The following CTNNA2 variants were observed in gnomAD, a reference collection of about 807,000 sequenced individuals.
CTNNA2 encodes the protein catenin alpha 2, also known as catenin alpha-2.
In CTNNA2, 42 loss-of-function variants were observed where a neutral mutation model predicts 101.0. That is an observed-to-expected ratio of 0.42 (90% confidence interval 0.32 to 0.54). The LOEUF (loss-of-function observed/expected upper bound fraction) is 0.54. CTNNA2 is among the 20% of genes least tolerant of loss of function. The pLI is 0.14. For synonymous variants in CTNNA2, 450 were observed against 456.4 expected (o/e 0.99, Z 0.18); for missense variants, 871 against 1,223.1 (o/e 0.71, Z 4.29).
At chr2:79,343,700 A>AAC (rs1347082769) in intron 3 of CTNNA2, among the ~76,000 whole-genome samples, 1 of 149,096 alleles carries the variant, frequency 6.7e-6, no homozygotes, top group Non-Finnish European at 1.5e-5. Flanking sequence ...CTAACCCTGT[A>AAC]ACAATGGCCT....
At chr2:79,629,043 T>C (rs987078970) in intron 1 of CTNNA2, among the ~76,000 whole-genome samples, 2 of 152,204 alleles carry the variant, frequency 1.3e-5, no homozygotes, top group African/African-American at 4.8e-5. Flanking sequence ...TCTATGTCTT[T>C]CCTAGGACTT....
chr2:80,398,450 A>G (rs1678242489), intron 8 of CTNNA2, among the ~76,000 whole-genome samples: 1 of 152,110 alleles, frequency 6.6e-6, no homozygotes, highest in Non-Finnish European at 1.5e-5. Context: ...TGGAGTTTGG[A>G]GTCTAGGTCA....
chr2:80,149,605 C>A (rs1703564023), intron 7 of CTNNA2, among the ~76,000 whole-genome samples: 1 of 152,106 alleles, frequency 6.6e-6, no homozygotes, highest in Admixed American at 6.6e-5. Context: ...TAATATGCAC[C>A]ATTTGTGTAG....
chr2:80,170,548 A>G (rs1704990282), intron 7 of CTNNA2, among the ~76,000 whole-genome samples: 1 of 152,106 alleles, frequency 6.6e-6, no homozygotes, highest in South Asian at 2.1e-4. Context: ...ACCATGACCT[A>G]TTACAACCTA....
intron 2 of CTNNA2, among the ~76,000 whole-genome samples, chr2:79,263,744 A>C (rs200994573): frequency 3.9e-5 from 6 of 152,100 alleles, no homozygotes; most frequent in African/African-American, 1.2e-4. Context: ...CCTTCTTGCT[A>C]TCTCACCATG....
intron 8 of CTNNA2, among the ~76,000 whole-genome samples, chr2:80,416,141 A>G (rs1403581153): frequency 1.3e-5 from 2 of 152,150 alleles, no homozygotes; most frequent in Non-Finnish European, 2.9e-5. Context: ...AATATACACC[A>G]TGATGACTAG....
At chr2:79,659,674 G>T (rs1379942045) in intron 2 of CTNNA2, among the ~76,000 whole-genome samples, 1 of 152,022 alleles carries the variant, frequency 6.6e-6, no homozygotes, top group East Asian at 1.9e-4. Context: ...TTCTTGCCTT[G>T]AAAAGTATTT....
chr2:80,434,906 T>C (rs1467805991), intron 9 of CTNNA2, among the ~76,000 whole-genome samples: 2 of 152,092 alleles, frequency 1.3e-5, no homozygotes, highest in African/African-American at 2.4e-5. Context: ...TTCCTCTACT[T>C]TGAATGAGTT....
chr2:79,679,044 C>T (rs191452089), intron 2 of CTNNA2, among the ~76,000 whole-genome samples: 176 of 152,080 alleles, frequency 1.2e-3, no homozygotes, highest in Middle Eastern at 6.8e-3. Flanking sequence ...AATGTATACC[C>T]GTATGATCTA....
At chr2:79,829,573 T>C (rs1467957525) in intron 3 of CTNNA2, among the ~76,000 whole-genome samples, 4 of 151,094 alleles carry the variant, frequency 2.6e-5, no homozygotes, top group African/African-American at 9.7e-5. Flanking sequence ...CCATCTCAAA[T>C]AAAATAATTA....
intron 3 of CTNNA2, among the ~76,000 whole-genome samples, chr2:79,316,447 TC>T (rs1558622387): frequency 6.6e-6 from 1 of 151,844 alleles, no homozygotes; most frequent in African/African-American, 2.4e-5. Flanking sequence ...TTTAGGATTT[TC>T]TTGTCAATTT....
chr2:79,922,642 C>CTTT (rs35186079), intron 7 of CTNNA2, among the ~76,000 whole-genome samples: 2 of 137,168 alleles, frequency 1.5e-5, no homozygotes, highest in Non-Finnish European at 3.1e-5. Context: ...CAGTTTTTTA[C>CTTT]TTTTTTTTTT....
At chr2:80,203,977 A>T (rs1432882030) in intron 7 of CTNNA2, among the ~76,000 whole-genome samples, 1 of 152,186 alleles carries the variant, frequency 6.6e-6, no homozygotes, top group African/African-American at 2.4e-5. Context: ...CCAAGGCTTG[A>T]GGCTTCCACC....
At chr2:80,537,716 C>T (rs1415574658) in intron 9 of CTNNA2, among the ~76,000 whole-genome samples, 2 of 152,072 alleles carry the variant, frequency 1.3e-5, no homozygotes, top group African/African-American at 4.8e-5. Flanking sequence ...GCCTCAGCCT[C>T]CTGAGTAGCT....
chr2:79,310,314 A>T (rs749658847), intron 2 of CTNNA2, among the ~76,000 whole-genome samples: 1 of 152,210 alleles, frequency 6.6e-6, no homozygotes, highest in Non-Finnish European at 1.5e-5. Context: ...TTTCTTCATT[A>T]TGGAGGTTTT....
At chr2:79,427,078 T>C (rs1203048579) in intron 4 of CTNNA2, among the ~76,000 whole-genome samples, 1 of 150,616 alleles carries the variant, frequency 6.6e-6, no homozygotes, top group African/African-American at 2.4e-5. Context: ...AGTCATGTCT[T>C]TTTTTTTTAA....
Position 80,369,528 on chromosome 2 carries a change from C to T in CTNNA2, c.1057-23683C>T, listed in dbSNP as rs574607627. Reference sequence around the variant, plus strand: ...AAAAATGGCTCTCAAAGGATATCCACGTACTAAGTCCTGGAACCCATGAAT... The same window carrying T: ...AAAAATGGCTCTCAAAGGATATCCATGTACTAAGTCCTGGAACCCATGAAT... On this transcript the variant is annotated intron_variant, in intron 7 of 18. Transcript: ENST00000402739. 5.9e-5 allele frequency among the ~76,000 whole-genome samples: 9 copies of T among 152,134 alleles called. No individual in the cohort carries two copies. The East Asian group carries it at 1.4e-3, about 23-fold the overall frequency.
chr2:79,195,493 C>T (rs935602329), intron 1 of CTNNA2, among the ~76,000 whole-genome samples: 1 of 152,176 alleles, frequency 6.6e-6, no homozygotes, highest in Non-Finnish European at 1.5e-5. Context: ...GCTTTTACAA[C>T]CACACCCTCC....
At chr2:80,431,257 G>A (rs1017271723) in intron 9 of CTNNA2, among the ~76,000 whole-genome samples, 3 of 152,140 alleles carry the variant, frequency 2.0e-5, no homozygotes, top group African/African-American at 7.2e-5. Flanking sequence ...CCTGCCCAAG[G>A]CTCAGTGGGT....
Sources: allele counts gnomAD v4.1 joint callset (sites outside exome capture counted in the v4.1 genomes callset), GRCh38; gene constraint gnomAD v4.1.1; transcripts MANE v1.5; gene names NCBI Gene and HGNC (gene_info 2026-07-23, HGNC 2026-07-21).